The following HSD17B12 variants were observed in gnomAD, a reference collection of about 807,000 sequenced individuals.
HSD17B12 encodes very-long-chain 3-oxoacyl-CoA reductase.
In HSD17B12, 32 loss-of-function variants were observed where a neutral mutation model predicts 39.3. The observed-to-expected ratio is 0.81, with a 90% confidence interval of 0.61 to 1.09. The LOEUF (loss-of-function observed/expected upper bound fraction) is 1.09, where lower values mean the gene tolerates loss of function less well. HSD17B12 is among the 50% of genes least tolerant of loss of function. The pLI, the probability that HSD17B12 is intolerant of heterozygous loss-of-function variation, is 0.00. For missense variants in HSD17B12, 342 were observed against 382.9 expected (o/e 0.89, Z 0.89); for synonymous variants, 150 against 146.7 (o/e 1.02, Z -0.16).
In HSD17B12 at chr11:43,799,640, G is replaced by A. The variant is rs187990504; in HGVS notation, c.391+1213G>A. 1.7e-3 allele frequency among the ~76,000 whole-genome samples: 264 copies of A among 152,232 alleles called. 1 individual carries two copies. The highest frequency in any genetic ancestry group is 4.1e-3 in the Admixed American group (63 of 15,282). On this transcript the variant is annotated intron_variant, in intron 4 of 10. Coordinates refer to ENST00000278353, the MANE Select transcript of HSD17B12 (RefSeq NM_016142.3). ...TTTATCCCACTGCCAAAATTGGTGG[G>A]AACCAACTAATTGTCATTGTTTGTT...
At chr11:43,761,732 C>G (rs60016711) in intron 3 of HSD17B12, among the ~76,000 whole-genome samples, 16,984 of 152,206 alleles carry the variant, frequency 0.11, 1,449 homozygotes, top group African/African-American at 0.24. Flanking sequence ...TGTAGCCTCT[C>G]TAGCATAGCC....
At chr11:43,749,298 T>C (rs1435563204) in intron 1 of HSD17B12, among the ~76,000 whole-genome samples, 1 of 152,120 alleles carries the variant, frequency 6.6e-6, no homozygotes, top group Non-Finnish European at 1.5e-5. Context: ...ACAAATTTTA[T>C]TATGGAACAT....
intron 9 of HSD17B12, chr11:43,848,584 A>G (rs990322021): frequency 6.6e-6 from 1 of 152,072 alleles, no homozygotes; most frequent in African/African-American, 2.4e-5. Context: ...CAAATCCCAC[A>G]CTCTTTAACT....
the HSD17B12 span, among the ~76,000 whole-genome samples, chr11:43,633,989 G>C: frequency 5.6e-5 from 8 of 143,070 alleles, no homozygotes; most frequent in Non-Finnish European, 1.2e-4. Context: ...CAGGAGACTC[G>C]CTTGAACCCG....
intron 1 of HSD17B12, among the ~76,000 whole-genome samples, chr11:43,713,706 T>C (rs1042652008): frequency 7.9e-5 from 12 of 152,160 alleles, no homozygotes; most frequent in Non-Finnish European, 7.3e-5. Flanking sequence ...CGCCACACTG[T>C]CTTCCACAAT....
the HSD17B12 span, among the ~76,000 whole-genome samples, chr11:43,559,449 A>G: frequency 3.9e-5 from 6 of 152,314 alleles, no homozygotes; most frequent in East Asian, 3.9e-4. Flanking sequence ...CAGGTGCCCA[A>G]GCACTTGTCA....
intron 6 of HSD17B12, among the ~76,000 whole-genome samples, chr11:43,821,929 G>T (rs891866225): frequency 6.6e-6 from 1 of 152,140 alleles, no homozygotes; most frequent in African/African-American, 2.4e-5. Context: ...CTCCTTTCCA[G>T]ATAAGCACTG....
At chr11:43,699,055 A>G (rs531252502) in intron 1 of HSD17B12, among the ~76,000 whole-genome samples, 1 of 152,346 alleles carries the variant, frequency 6.6e-6, no homozygotes, top group African/African-American at 2.4e-5. Flanking sequence ...TATTTTTAAC[A>G]TATACAAAAG....
chr11:43,847,957 T>C (rs1951493483), intron 9 of HSD17B12, among the ~76,000 whole-genome samples: 1 of 152,214 alleles, frequency 6.6e-6, no homozygotes, highest in Admixed American at 6.5e-5. Context: ...CTTCTTTGTA[T>C]TTTTGTTACA....
the HSD17B12 span, among the ~76,000 whole-genome samples, chr11:43,640,118 T>C: frequency 1.3e-5 from 2 of 151,910 alleles, no homozygotes; most frequent in Non-Finnish European, 2.9e-5. Flanking sequence ...AGGCATTTTA[T>C]TGGTCTGTTA....
the HSD17B12 span, among the ~76,000 whole-genome samples, chr11:43,629,887 A>G: frequency 6.6e-6 from 1 of 152,220 alleles, no homozygotes; most frequent in South Asian, 2.1e-4. Flanking sequence ...TGATCTCCAA[A>G]CAACATGTGT....
At chr11:43,636,735 T>C in the HSD17B12 span, among the ~76,000 whole-genome samples, 2 of 152,214 alleles carry the variant, frequency 1.3e-5, no homozygotes, top group African/African-American at 2.4e-5. Context: ...ATTTTTTTAA[T>C]CTTCACAACT....
chr11:43,836,411 C>T (rs1424242198), intron 7 of HSD17B12, among the ~76,000 whole-genome samples: 1 of 152,130 alleles, frequency 6.6e-6, no homozygotes, highest in Admixed American at 6.5e-5. Context: ...GTGTTGCATA[C>T]GATACAATAG....
At chr11:43,759,369 A>T (rs2134961754) in intron 3 of HSD17B12, among the ~76,000 whole-genome samples, 2 of 152,320 alleles carry the variant, frequency 1.3e-5, no homozygotes, top group South Asian at 4.1e-4. Flanking sequence ...TTCACCAACA[A>T]TGGATAAGTG....
chr11:43,855,091 T>G, intron 10 of HSD17B12, 53 bp from the exon 11 acceptor site: 1 of 1,309,450 alleles, frequency 7.6e-7, no homozygotes, highest in Non-Finnish European at 1.1e-6. Context: ...ATGCTTCAAT[T>G]TAGCCCAAAT....
At chr11:43,661,960 T>C in the HSD17B12 span, among the ~76,000 whole-genome samples, 11 of 152,236 alleles carry the variant, frequency 7.2e-5, no homozygotes, top group Non-Finnish European at 1.3e-4. Flanking sequence ...GAGGGTTAAG[T>C]GGGATTTTTG....
intron 9 of HSD17B12, among the ~76,000 whole-genome samples, chr11:43,845,671 C>T (rs377037696): frequency 1.3e-5 from 2 of 152,082 alleles, no homozygotes; most frequent in Admixed American, 6.6e-5. Flanking sequence ...GATGTTGTGT[C>T]GTCAGGGCCT....
chr11:43,655,619 C>T, the HSD17B12 span, among the ~76,000 whole-genome samples: 1 of 152,070 alleles, frequency 6.6e-6, no homozygotes, highest in South Asian at 2.1e-4. Context: ...GCATGAAGGG[C>T]TGTTGAATTT....
chr11:43,671,471 G>A, the HSD17B12 span, among the ~76,000 whole-genome samples: 42 of 152,322 alleles, frequency 2.8e-4, no homozygotes, highest in African/African-American at 9.4e-4. Flanking sequence ...ATGAGCCATC[G>A]CACCTGGCCC....
Sources: allele counts gnomAD v4.1 joint callset (sites outside exome capture counted in the v4.1 genomes callset), GRCh38; gene constraint gnomAD v4.1.1; transcripts MANE v1.5; gene names NCBI Gene and HGNC (gene_info 2026-07-23, HGNC 2026-07-21).